The following PLXNA4 variants were observed in gnomAD, a reference collection of about 807,000 sequenced individuals.
PLXNA4 encodes the protein plexin-A4.
A neutral mutation model predicts 191.8 loss-of-function variants in PLXNA4; 44 were observed. The ratio of observed to expected loss-of-function variants is 0.23; its 90% CI spans 0.18 to 0.29. The LOEUF (loss-of-function observed/expected upper bound fraction) is 0.29. Among genes scored for constraint, PLXNA4 ranks in the 10% least tolerant of loss-of-function variants. PLXNA4 has a pLI of 1.00. For synonymous variants in PLXNA4, 1,082 were observed against 1,009.5 expected, an observed-to-expected ratio of 1.07 and a Z score of -1.36; for missense variants, 1,800 against 2,488.8, an observed-to-expected ratio of 0.72 and a Z score of 5.89.
At chr7:132,545,108 C>T (rs1432800797) in intron 1 of PLXNA4, among the ~76,000 whole-genome samples, 1 of 152,174 alleles carries the variant, frequency 6.6e-6, no homozygotes, top group African/African-American at 2.4e-5. Context: ...GGACTCCTCT[C>T]CGGCTTCAGA....
intron 15 of PLXNA4, among the ~76,000 whole-genome samples, chr7:132,186,551 C>T (rs529353491): frequency 8.1e-4 from 124 of 152,288 alleles, no homozygotes; most frequent in African/African-American, 2.8e-3. Flanking sequence ...CCAAAGAGCA[C>T]GTCCACTTTG....
At chr7:132,368,699 A>G (rs909537053) in intron 3 of PLXNA4, among the ~76,000 whole-genome samples, 1 of 152,190 alleles carries the variant, frequency 6.6e-6, no homozygotes, top group Admixed American at 6.5e-5. Flanking sequence ...CAACAGTTGT[A>G]GATGAGGCTG....
At chr7:132,188,998 GAGAGAGAGAGAGAGAGAGA>G (rs1796987069) in intron 14 of PLXNA4, among the ~76,000 whole-genome samples, 4 of 50,984 alleles carry the variant, frequency 7.8e-5, no homozygotes, top group Non-Finnish European at 7.9e-5. Flanking sequence ...GGAAAGGAGA[GAGAGAGAGAGAGAGAGAGA>G]GAGAGAGAGA....
In PLXNA4 at chr7:132,329,234, G is replaced by A. The variant is rs542977649; in HGVS notation, c.1372-31012C>T. On this transcript the variant is annotated intron_variant, in intron 3 of 31. Coordinates refer to ENST00000321063, the MANE Select transcript of PLXNA4 (RefSeq NM_020911.2). ...GCCCCCACTCCATGCCTTCCTGTAG[G>A]TGGAATCTGTCTCTTGAATCCAGCT... 1.4e-4 allele frequency among the ~76,000 whole-genome samples: 21 copies of A among 152,300 alleles called. 1 individual carries two copies. In the South Asian group the frequency reaches 4.4e-3, roughly 32 times the overall value.
intron 20 of PLXNA4, 123 bp downstream of exon 20, chr7:132,179,564 C>G (rs747975515): frequency 1.0e-4 from 144 of 1,402,488 alleles, no homozygotes; most frequent in Non-Finnish European, 1.3e-4. Flanking sequence ...CCAGCACTGC[C>G]CACTGCTGCC....
At chr7:132,458,909 G>A (rs890156519) in intron 3 of PLXNA4, among the ~76,000 whole-genome samples, 11 of 152,124 alleles carry the variant, frequency 7.2e-5, no homozygotes, top group African/African-American at 1.9e-4. Context: ...AATGCCTAAC[G>A]GGACAAGCAC....
At chr7:132,490,293 C>G (rs550373193) in intron 2 of PLXNA4, among the ~76,000 whole-genome samples, 1 of 152,132 alleles carries the variant, frequency 6.6e-6, no homozygotes, top group Non-Finnish European at 1.5e-5. Flanking sequence ...TTCTAGGAAG[C>G]CTTTTAACAC....
intron 3 of PLXNA4, among the ~76,000 whole-genome samples, chr7:132,330,979 C>T (rs976696846): frequency 6.6e-6 from 1 of 152,176 alleles, no homozygotes. Context: ...GACTTCCAAG[C>T]CTGCCAGTCA....
intron 1 of PLXNA4, among the ~76,000 whole-genome samples, chr7:132,568,511 C>T (rs960939520): frequency 1.3e-5 from 2 of 152,180 alleles, no homozygotes; most frequent in Non-Finnish European, 2.9e-5. Context: ...TGCATGGAAA[C>T]CATTATCCCA....
Position 132,328,823 on chromosome 7 carries a change from T to C in PLXNA4, c.1372-30601A>G, listed in dbSNP as rs566058055. Among the ~76,000 whole-genome samples the C allele has an allele frequency of 2.0e-5, 3 of 152,288 alleles. No homozygotes were observed. The South Asian group carries it at 6.2e-4, about 32-fold the overall frequency. On this transcript the variant is annotated intron_variant, in intron 3 of 31. Coordinates refer to ENST00000321063, the MANE Select transcript of PLXNA4 (RefSeq NM_020911.2). ...CTGCACCGCAGGTGCTCTACAAGCA[T>C]GATTTCCTGTCCTGCTCATGGCAAC...
intron 3 of PLXNA4, among the ~76,000 whole-genome samples, chr7:132,314,586 C>T (rs899799599): frequency 6.6e-6 from 1 of 152,102 alleles, no homozygotes; most frequent in Admixed American, 6.5e-5. Flanking sequence ...GGTGGGAGAG[C>T]TGAGGGTTGG....
intron 4 of PLXNA4, among the ~76,000 whole-genome samples, chr7:132,288,150 T>C (rs1800752789): frequency 6.6e-6 from 1 of 152,206 alleles, no homozygotes; most frequent in Non-Finnish European, 1.5e-5. Flanking sequence ...AAACTGCTGG[T>C]GACTCTGGAT....
chr7:132,361,678 G>A (rs534596343), intron 3 of PLXNA4, among the ~76,000 whole-genome samples: 2 of 152,336 alleles, frequency 1.3e-5, no homozygotes, highest in East Asian at 3.9e-4. Context: ...TTGTTTAACA[G>A]AATCATTTCT....
chr7:132,384,855 G>A, intron 3 of PLXNA4: 1 of 1,170,522 alleles, frequency 8.5e-7, no homozygotes, highest in Non-Finnish European at 1.1e-6. Context: ...CATATATCAG[G>A]CCCAAGAGAT....
intron 1 of PLXNA4, among the ~76,000 whole-genome samples, chr7:132,570,688 G>T (rs575754626): frequency 6.6e-6 from 1 of 152,318 alleles, no homozygotes; most frequent in South Asian, 2.1e-4. Context: ...GTAAGACCTC[G>T]GGAATTGATT....
intron 4 of PLXNA4, among the ~76,000 whole-genome samples, chr7:132,244,918 AC>A (rs1273349723): frequency 6.6e-6 from 1 of 152,194 alleles, no homozygotes; most frequent in East Asian, 1.9e-4. Flanking sequence ...AGTATGTTGC[AC>A]AGGTGGCCAG....
intron 3 of PLXNA4, among the ~76,000 whole-genome samples, chr7:132,396,071 G>A (rs935465486): frequency 1.3e-4 from 20 of 152,138 alleles, no homozygotes; most frequent in Non-Finnish European, 1.5e-5. Context: ...ACAAAAGTAG[G>A]GGTAAGGCAA....
intron 3 of PLXNA4, among the ~76,000 whole-genome samples, chr7:132,389,636 T>C (rs1355956137): frequency 6.6e-6 from 1 of 152,226 alleles, no homozygotes; most frequent in African/African-American, 2.4e-5. Flanking sequence ...GATATCTGTT[T>C]TGGTACTGGT....
At chr7:132,180,396 T>C (rs1796665552) in intron 19 of PLXNA4, among the ~76,000 whole-genome samples, 190 bp downstream of exon 19, 1 of 152,098 alleles carries the variant, frequency 6.6e-6, no homozygotes. Flanking sequence ...CACCAGCCAG[T>C]GTGGAAAGAA....
Sources: allele counts gnomAD v4.1 joint callset (sites outside exome capture counted in the v4.1 genomes callset), GRCh38; gene constraint gnomAD v4.1.1; transcripts MANE v1.5; gene names NCBI Gene and HGNC (gene_info 2026-07-23, HGNC 2026-07-21).